Variants in CNTNAP5 observed in about 807,000 individuals in gnomAD.
CNTNAP5 encodes the protein contactin associated protein family member 5.
Under a neutral mutation model 150.2 loss-of-function variants are expected in CNTNAP5, and 72 were observed. The observed-to-expected ratio is 0.48, with a 90% CI of 0.40 to 0.58. The LOEUF (loss-of-function observed/expected upper bound fraction) is 0.58, where lower values mean the gene tolerates loss of function less well. CNTNAP5 is among the 20% of genes least tolerant of loss of function. The pLI, the probability that CNTNAP5 is intolerant of heterozygous loss-of-function variation, is 0.00. For missense variants in CNTNAP5, 1,636 were observed against 1,626.2 expected, an observed-to-expected ratio of 1.01 and a Z score of -0.10; for synonymous variants, 672 against 619.8, an observed-to-expected ratio of 1.08 and a Z score of -1.25.
At chr2:124,450,177 G>T (rs1023435592) in intron 6 of CNTNAP5, among the ~76,000 whole-genome samples, 3 of 151,808 alleles carry the variant, frequency 2.0e-5, no homozygotes, top group Non-Finnish European at 4.4e-5. Flanking sequence ...TCGTGTCTTT[G>T]TGTGCCAATG....
chr2:124,698,525 C>T (rs1311693159), intron 13 of CNTNAP5, among the ~76,000 whole-genome samples: 2 of 151,842 alleles, frequency 1.3e-5, no homozygotes, highest in African/African-American at 2.4e-5. Context: ...GTATTTTGTT[C>T]CTATCAAATT....
chr2:124,820,019 A>G (rs1432495837), intron 19 of CNTNAP5, among the ~76,000 whole-genome samples: 2 of 152,198 alleles, frequency 1.3e-5, no homozygotes, highest in East Asian at 1.9e-4. Flanking sequence ...TTGCAGAACA[A>G]CATGTAAGGG....
chr2:124,697,408 G>A (rs182419963), intron 13 of CNTNAP5, among the ~76,000 whole-genome samples: 102 of 152,116 alleles, frequency 6.7e-4, no homozygotes, highest in African/African-American at 2.3e-3. Flanking sequence ...GACATTCCTC[G>A]TTGAAAACCT....
intron 1 of CNTNAP5, among the ~76,000 whole-genome samples, chr2:124,048,869 A>C (rs190122784): frequency 6.6e-6 from 1 of 152,338 alleles, no homozygotes; most frequent in African/African-American, 2.4e-5. Context: ...TCCTTGAAGA[A>C]TATCACTAAG....
At chr2:124,720,380 T>C (rs1264559142) in intron 13 of CNTNAP5, among the ~76,000 whole-genome samples, 1 of 152,186 alleles carries the variant, frequency 6.6e-6, no homozygotes, top group African/African-American at 2.4e-5. Flanking sequence ...ATGTGTTCCC[T>C]TTTTCCCAGT....
chr2:124,310,561 A>C (rs570786200), intron 3 of CNTNAP5, among the ~76,000 whole-genome samples: 2 of 152,020 alleles, frequency 1.3e-5, no homozygotes, highest in Non-Finnish European at 2.9e-5. Context: ...CGGAGAGAGC[A>C]AGAAAAGAAA....
chr2:124,394,836 C>T (rs1322253852), intron 3 of CNTNAP5, among the ~76,000 whole-genome samples: 1 of 152,192 alleles, frequency 6.6e-6, no homozygotes, highest in African/African-American at 2.4e-5. Flanking sequence ...CACATACATT[C>T]TGCTGCCCAC....
At chr2:124,381,951 G>T (rs181314572) in intron 3 of CNTNAP5, among the ~76,000 whole-genome samples, 1 of 152,254 alleles carries the variant, frequency 6.6e-6, no homozygotes, top group East Asian at 1.9e-4. Flanking sequence ...TGACAAAAGC[G>T]TGGTGTCAGG....
intron 7 of CNTNAP5, 23 bp from the exon 8 acceptor site, chr2:124,504,269 G>C: frequency 6.2e-7 from 1 of 1,604,432 alleles, no homozygotes; most frequent in Non-Finnish European, 8.5e-7. Context: ...GCTTTTATAT[G>C]TTTGACTTTT....
chr2:124,176,889 G>C (rs1375878943), intron 1 of CNTNAP5, among the ~76,000 whole-genome samples: 1 of 137,406 alleles, frequency 7.3e-6, no homozygotes, highest in Non-Finnish European at 1.6e-5. Context: ...TTGTTGCCCA[G>C]GGCGGAGTGC....
chr2:124,706,798 G>GAAGAAGAAGA (rs1558743008), intron 13 of CNTNAP5, among the ~76,000 whole-genome samples: 46 of 7,294 alleles, frequency 6.3e-3, no homozygotes, highest in Non-Finnish European at 0.012. Flanking sequence ...GAAGAAGAAG[G>GAAGAAGAAGA]AGGAGGAGGA....
intron 1 of CNTNAP5, among the ~76,000 whole-genome samples, chr2:124,122,005 T>C (rs949617102): frequency 2.6e-5 from 4 of 152,208 alleles, no homozygotes. Flanking sequence ...GCAAGCATTC[T>C]ACTGGAGGTT....
At chr2:124,294,820 A>G (rs55738942) in intron 3 of CNTNAP5, among the ~76,000 whole-genome samples, 68 of 152,366 alleles carry the variant, frequency 4.5e-4, no homozygotes, top group Non-Finnish European at 7.9e-4. Context: ...GCTTTATATA[A>G]TATTTAAAAA....
intron 18 of CNTNAP5, among the ~76,000 whole-genome samples, chr2:124,796,801 T>C (rs1681855941): frequency 6.6e-6 from 1 of 152,144 alleles, no homozygotes; most frequent in African/African-American, 2.4e-5. Context: ...CCAATATGGG[T>C]TTATGTTTAC....
At chr2:124,285,865 G>T (rs1688138005) in intron 3 of CNTNAP5, among the ~76,000 whole-genome samples, 1 of 152,010 alleles carries the variant, frequency 6.6e-6, no homozygotes, top group African/African-American at 2.4e-5. Flanking sequence ...AAAACCCTGG[G>T]TATGTAAATC....
chr2:124,283,210 C>T (rs777392841), intron 3 of CNTNAP5, among the ~76,000 whole-genome samples: 2 of 152,162 alleles, frequency 1.3e-5, no homozygotes, highest in Non-Finnish European at 2.9e-5. Context: ...CACCTGCTTG[C>T]TTGTTCTAGT....
chr2:124,146,179 A>G (rs959692835), intron 1 of CNTNAP5, among the ~76,000 whole-genome samples: 2 of 152,108 alleles, frequency 1.3e-5, no homozygotes, highest in Non-Finnish European at 2.9e-5. Flanking sequence ...GACACTGGGC[A>G]GGTGTCTTTA....
At chr2:124,143,703 C>T (rs966472926) in intron 1 of CNTNAP5, among the ~76,000 whole-genome samples, 7 of 132,834 alleles carry the variant, frequency 5.3e-5, no homozygotes, top group African/African-American at 2.0e-4. Context: ...TGGGCAAAAA[C>T]TGGAAGCATT....
intron 3 of CNTNAP5, among the ~76,000 whole-genome samples, chr2:124,333,476 G>C (rs1450229471): frequency 6.6e-6 from 1 of 152,044 alleles, no homozygotes; most frequent in African/African-American, 2.4e-5. Flanking sequence ...TTCCAAGAAG[G>C]TGTTTGGGTT....
Sources: gnomAD v4.1 joint callset for allele counts (sites outside exome capture counted in the v4.1 genomes callset) on GRCh38, gnomAD v4.1.1 for gene constraint, MANE v1.5 for transcripts, NCBI Gene and HGNC (gene_info 2026-07-23, HGNC 2026-07-21) for gene names.